TUSC3: variants seen among roughly 807,000 people sequenced by gnomAD.
TUSC3 encodes the protein dolichyl-diphosphooligosaccharide--protein glycosyltransferase subunit TUSC3.
In TUSC3, 45 loss-of-function variants were observed where a neutral mutation model predicts 44.8. The ratio of observed to expected loss-of-function variants is 1.00; its 90% CI spans 0.79 to 1.29. The LOEUF (loss-of-function observed/expected upper bound fraction) is 1.29. TUSC3 is among the 50% of genes most tolerant of loss of function. TUSC3 has a pLI of 0.00. For missense variants in TUSC3, 519 were observed against 437.9 expected (o/e 1.19, Z -1.65); for synonymous variants, 212 against 152.9 (o/e 1.39, Z -2.85).
intron 10 of TUSC3, among the ~76,000 whole-genome samples, chr8:15,758,703 T>C (rs1812040943): frequency 6.6e-6 from 1 of 151,942 alleles, no homozygotes; most frequent in South Asian, 2.1e-4. Flanking sequence ...TGCATTCTAG[T>C]TTTATTGTTC....
At chr8:15,792,216 G>C in the TUSC3 span, among the ~76,000 whole-genome samples, 1 of 152,006 alleles carries the variant, frequency 6.6e-6, no homozygotes, top group South Asian at 2.1e-4. Context: ...ACCAAGCAAT[G>C]TTTTAAAACT....
At chr8:15,850,184 C>G in the TUSC3 span, among the ~76,000 whole-genome samples, 1 of 151,714 alleles carries the variant, frequency 6.6e-6, no homozygotes, top group Non-Finnish European at 1.5e-5. Context: ...CTGCCTTTCC[C>G]AATAAGGTTT....
chr8:15,578,733 A>G (rs1429876781), intron 1 of TUSC3, among the ~76,000 whole-genome samples: 6 of 151,840 alleles, frequency 4.0e-5, no homozygotes, highest in Admixed American at 3.9e-4. Context: ...TTTATTGAGG[A>G]TTTTTGCATC....
At chr8:15,570,558 A>G (rs1330088746) in intron 1 of TUSC3, among the ~76,000 whole-genome samples, 2 of 152,168 alleles carry the variant, frequency 1.3e-5, no homozygotes, top group Non-Finnish European at 2.9e-5. Flanking sequence ...GCTACGATTT[A>G]TATTTTGTTG....
chr8:15,644,721 G>A (rs1448095556), intron 2 of TUSC3, among the ~76,000 whole-genome samples: 1 of 151,872 alleles, frequency 6.6e-6, no homozygotes, highest in Non-Finnish European at 1.5e-5. Context: ...TTTGTACTCT[G>A]AAGAGATATC....
At chr8:15,420,041 G>T (rs1799718639) in intron 1 of TUSC3, among the ~76,000 whole-genome samples, 2 of 151,982 alleles carry the variant, frequency 1.3e-5, no homozygotes. Context: ...GTGGATAGCA[G>T]GAAATAAATA....
chr8:15,513,482 A>G (rs942181647), intron 2 of TUSC3, among the ~76,000 whole-genome samples: 1 of 152,234 alleles, frequency 6.6e-6, no homozygotes, highest in African/African-American at 2.4e-5. Flanking sequence ...ACAAGATTAT[A>G]TTCAAAGTTT....
chr8:15,573,196 CTCTCTCTATA>C lies in TUSC3; in HGVS notation c.138+32630_138+32639del, dbSNP rs1184048953. Among the ~76,000 whole-genome samples the C allele has an allele frequency of 4.5e-3, 467 of 104,202 alleles. 2 individuals carry two copies. The highest frequency in any genetic ancestry group is 7.0e-3 in the Non-Finnish European group (367 of 52,336). 68.4% of individuals were successfully genotyped at this position (104,202 alleles called of 152,430 possible). A position where few individuals can be genotyped will look rare whatever the true frequency, so the allele number is the denominator to read the frequency against. ...TCTCTCTCTCTCTCTCTCTCTCTCT[CTCTCTCTATA>C]TATATATATATATATATATATATAA... On this transcript the variant is annotated intron_variant, in intron 1 of 10. Coordinates refer to ENST00000503731, the MANE Select transcript of TUSC3 (RefSeq NM_006765.4).
chr8:15,541,891 A>G (rs953996189), intron 1 of TUSC3, among the ~76,000 whole-genome samples: 1 of 141,898 alleles, frequency 7.0e-6, no homozygotes, highest in Non-Finnish European at 1.6e-5. Context: ...GATGATGAAG[A>G]ACTCCATGGA....
chr8:15,827,144 T>C, the TUSC3 span, among the ~76,000 whole-genome samples: 135 of 152,292 alleles, frequency 8.9e-4, no homozygotes, highest in African/African-American at 3.2e-3. Context: ...TTAGAGACTA[T>C]AAGTACATCC....
rs374961725 is a variant in TUSC3, at chr8:15,737,093, A to G, written c.862+6364A>G. On this transcript the variant is annotated intron_variant, in intron 7 of 10. Coordinates refer to ENST00000503731, the MANE Select transcript of TUSC3 (RefSeq NM_006765.4). The stretch of plus-strand genomic sequence containing the variant: ...TTTTTTCCATTTATTATGAAAGAAT[A>G]TGATTTTATTCGCATCTGTTTCTAG... Among the ~76,000 whole-genome samples, 17 of 152,278 alleles carry G rather than the reference A, an allele frequency of 1.1e-4. No homozygotes were observed. In the East Asian group the frequency reaches 1.9e-3, roughly 17 times the overall value.
At chr8:15,518,049 C>T (rs559925254) in intron 2 of TUSC3, among the ~76,000 whole-genome samples, 5 of 152,004 alleles carry the variant, frequency 3.3e-5, no homozygotes, top group African/African-American at 9.6e-5. Flanking sequence ...TGCCAGCCTC[C>T]GGTAACCAAC....
chr8:15,541,672 T>G (rs1801695928), intron 1 of TUSC3, among the ~76,000 whole-genome samples: 1 of 152,142 alleles, frequency 6.6e-6, no homozygotes. Context: ...TCATATGAAA[T>G]TATTGGTGAA....
intron 2 of TUSC3, among the ~76,000 whole-genome samples, chr8:15,487,484 C>G (rs532597317): frequency 9.9e-5 from 15 of 152,266 alleles, no homozygotes; most frequent in African/African-American, 3.4e-4. Flanking sequence ...ATGAGTTGAA[C>G]AAAGCACAAT....
chr8:15,568,785 A>T (rs1399214157), intron 1 of TUSC3, among the ~76,000 whole-genome samples: 2 of 152,046 alleles, frequency 1.3e-5, no homozygotes, highest in African/African-American at 4.8e-5. Context: ...TAAAAAAAAA[A>T]TGTAAATTCT....
Position 15,766,489 on chromosome 8 carries a change from T to G in TUSC3, c.*2333T>G, listed in dbSNP as rs1812329764. 6.6e-6 allele frequency: 1 copy of G among 151,910 alleles called. No homozygotes were observed. The highest frequency in any genetic ancestry group is 1.5e-5 in the Non-Finnish European group (1 of 67,922). The allele number at this position is 151,910 out of a possible 1,614,324, so 9.4% of individuals were successfully genotyped here. On this transcript the variant is annotated 3_prime_UTR_variant, in exon 11 of 11. Coordinates refer to ENST00000503731, the MANE Select transcript of TUSC3 (RefSeq NM_006765.4). The stretch of plus-strand genomic sequence containing the variant: ...ACTGTCATAAAAATTGATTATATGT[T>G]TAACAATTGTTTTTCTACTACAGTG...
intron 4 of TUSC3, among the ~76,000 whole-genome samples, chr8:15,659,974 A>C (rs372898158): frequency 2.4e-4 from 36 of 152,176 alleles, no homozygotes; most frequent in African/African-American, 7.7e-4. Flanking sequence ...ATAATTTTTA[A>C]TCTATCTTTT....
At chr8:15,686,823 C>G (rs1166662869) in intron 6 of TUSC3, among the ~76,000 whole-genome samples, 1 of 152,126 alleles carries the variant, frequency 6.6e-6, no homozygotes, top group Non-Finnish European at 1.5e-5. Context: ...AATCCCAGCA[C>G]TTTAGGAGGC....
chr8:15,504,603 ATATATATATATATATATATTTTT>A (rs1301761743), intron 2 of TUSC3, among the ~76,000 whole-genome samples: 7 of 38,498 alleles, frequency 1.8e-4, no homozygotes, highest in African/African-American at 6.2e-4. Context: ...ATATATATAT[ATATATATATATATATATATTTTT>A]TTTTTTTTTT....
Sources: gnomAD v4.1 joint callset for allele counts (sites outside exome capture counted in the v4.1 genomes callset) on GRCh38, gnomAD v4.1.1 for gene constraint, MANE v1.5 for transcripts, NCBI Gene and HGNC (gene_info 2026-07-23, HGNC 2026-07-21) for gene names.